Variants in CRB1 observed in about 807,000 individuals in gnomAD.
CRB1 encodes the protein crumbs cell polarity complex component 1, also known as protein crumbs homolog 1.
Under a neutral mutation model 120.0 loss-of-function variants are expected in CRB1, and 83 were observed. That is an observed-to-expected ratio of 0.69 (90% CI 0.58 to 0.83). The LOEUF is 0.83. Among genes scored for constraint, CRB1 ranks in the 40% least tolerant of loss-of-function variants. The pLI is 0.00. For synonymous variants in CRB1, 625 were observed against 612.5 expected (o/e 1.02, Z -0.30); for missense variants, 1,699 against 1,687.6 (o/e 1.01, Z -0.12).
intron 1 of CRB1, among the ~76,000 whole-genome samples, chr1:197,294,458 G>T (rs143912500): frequency 0.012 from 1,846 of 152,170 alleles, 40 homozygotes; most frequent in African/African-American, 0.042. Context: ...ACTGTTGGTG[G>T]GACTATAAAC....
In CRB1 at chr1:197,421,872, C is replaced by T; in HGVS notation, c.2044C>T (p.Gln682Ter). Reference sequence around the variant, plus strand: ...GGATTGGTGTGAAAGCCAACCTTGTCAAAGCAGAGGACGCTGCATCAACTT... The same window carrying T: ...GGATTGGTGTGAAAGCCAACCTTGTTAAAGCAGAGGACGCTGCATCAACTT... ...RKDWCESQPC[Q>*]SRGRCINLWL... is the part of the protein sequence containing the mutation. Residue 682 changes from glutamine to a stop codon, truncating the protein, a stop_gained, in exon 6 of 12, where the codon CAA becomes TAA. Transcript: ENST00000367400. LOFTEE classifies it high-confidence loss of function. The T allele has an allele frequency of 6.2e-7, 1 of 1,614,172 alleles. No individual in the cohort carries two copies. Among genetic ancestry groups the T allele is most frequent in the Non-Finnish European group, 8.5e-7 (1 of 1,180,034 alleles).
At chr1:197,337,145 G>A (rs982102848) in intron 2 of CRB1, among the ~76,000 whole-genome samples, 2 of 152,096 alleles carry the variant, frequency 1.3e-5, no homozygotes, top group African/African-American at 4.8e-5. Flanking sequence ...AATAGGCTAT[G>A]TGCCCTTATA....
At chr1:197,429,315 T>C in intron 7 of CRB1, 134 bp from the exon 8 acceptor site, 1 of 1,339,214 alleles carries the variant, frequency 7.5e-7, no homozygotes, top group Non-Finnish European at 1.1e-6. Context: ...TAGTTAACAA[T>C]GGATCTTAAA....
intron 4 of CRB1, among the ~76,000 whole-genome samples, chr1:197,353,476 G>C (rs1252077813): frequency 6.6e-6 from 1 of 152,160 alleles, no homozygotes; most frequent in Non-Finnish European, 1.5e-5. Context: ...AAATGATATT[G>C]CAAAGGGCCT....
At chr1:197,387,939 CTGAG>C (rs1558100508) in intron 5 of CRB1, among the ~76,000 whole-genome samples, 1 of 151,758 alleles carries the variant, frequency 6.6e-6, no homozygotes, top group Non-Finnish European at 1.5e-5. Context: ...CCTCACCAAA[CTGAG>C]TATTAGTATG....
At chr1:197,230,548 T>C in the CRB1 span, among the ~76,000 whole-genome samples, 2 of 152,142 alleles carry the variant, frequency 1.3e-5, no homozygotes, top group African/African-American at 4.8e-5. Context: ...ATAATCACTA[T>C]GTGGCAAATT....
chr1:197,462,726 G>A (rs939289698), intron 11 of CRB1, among the ~76,000 whole-genome samples: 2 of 152,142 alleles, frequency 1.3e-5, no homozygotes, highest in African/African-American at 4.8e-5. Flanking sequence ...AAATTGTGCT[G>A]ATGTAGTCAA....
intron 11 of CRB1, among the ~76,000 whole-genome samples, chr1:197,476,323 A>G (rs1215112712): frequency 6.6e-6 from 1 of 151,538 alleles, no homozygotes; most frequent in African/African-American, 2.4e-5. Flanking sequence ...TTAATTCATC[A>G]CATGGTCATA....
At chr1:197,222,322 C>A in the CRB1 span, 1 of 717,670 alleles carries the variant, frequency 1.4e-6, no homozygotes, top group African/African-American at 1.7e-5. Flanking sequence ...TGGCCTATAC[C>A]GGGAGAGTGA....
intron 1 of CRB1, among the ~76,000 whole-genome samples, chr1:197,284,309 C>G (rs1655700250): frequency 6.6e-6 from 1 of 151,960 alleles, no homozygotes; most frequent in African/African-American, 2.4e-5. Flanking sequence ...ATGTCCCAGT[C>G]ATTCTGCACC....
At chr1:197,266,252 G>C (rs1470767361), upstream of CRB1, among the ~76,000 whole-genome samples, 2 of 152,068 alleles carry the variant, frequency 1.3e-5, no homozygotes, top group African/African-American at 2.4e-5. Flanking sequence ...TAATTTTGGA[G>C]ACTGGGAAGA....
At chr1:197,363,874 G>C in intron 5 of CRB1, 1 of 977,250 alleles carries the variant, frequency 1.0e-6, no homozygotes, top group South Asian at 1.3e-5. Context: ...AGGGAACGTG[G>C]AAGGTGCATA....
In CRB1 at chr1:197,429,461, C is replaced by A; in HGVS notation, c.2689C>A (p.His897Asn). ...CTTTTCTGCTCAGTCCAACCCCTGT[C>A]ACAATGGAGGTGTTTGCCATTCCCG... Reference protein sequence around the residue: ...GDNSCKSNPCHNGGVCHSRWD... With the variant: ...GDNSCKSNPCNNGGVCHSRWD... Residue 897 changes from histidine (H) to asparagine (N), a missense_variant, in exon 8 of 12, where the codon CAC becomes AAC. Transcript: ENST00000367400. The A allele has an allele frequency of 6.2e-7, 1 of 1,613,984 alleles. No individual in the cohort carries two copies. The highest frequency in any genetic ancestry group is 2.2e-5 in the East Asian group (1 of 44,870).
intron 11 of CRB1, among the ~76,000 whole-genome samples, chr1:197,463,229 T>C (rs1476652024): frequency 6.6e-6 from 1 of 152,202 alleles, no homozygotes; most frequent in Non-Finnish European, 1.5e-5. Flanking sequence ...TCTAGGTCTA[T>C]GCAGACACTG....
chr1:197,365,420 G>A (rs1661006913), intron 5 of CRB1, among the ~76,000 whole-genome samples: 1 of 152,066 alleles, frequency 6.6e-6, no homozygotes, highest in Admixed American at 6.5e-5. Flanking sequence ...TGCTAAGGAA[G>A]GAAAACACTT....
chr1:197,220,981 C>A, the CRB1 span, among the ~76,000 whole-genome samples: 1 of 152,146 alleles, frequency 6.6e-6, no homozygotes, highest in East Asian at 1.9e-4. Context: ...TTCTGTATAG[C>A]AGTGTGAGAA....
At chr1:197,265,488 C>T (rs1439712841), upstream of CRB1, among the ~76,000 whole-genome samples, 2 of 151,796 alleles carry the variant, frequency 1.3e-5, no homozygotes, top group African/African-American at 4.8e-5. Context: ...GAATTGTCTA[C>T]CTCAATTGGT....
chr1:197,374,419 G>A (rs1661536293), intron 5 of CRB1, among the ~76,000 whole-genome samples: 1 of 152,094 alleles, frequency 6.6e-6, no homozygotes, highest in Non-Finnish European at 1.5e-5. Flanking sequence ...ATGAGTGTCA[G>A]GGCCCAGAGG....
At chr1:197,291,581 T>G (rs2125238239) in intron 1 of CRB1, among the ~76,000 whole-genome samples, 1 of 151,984 alleles carries the variant, frequency 6.6e-6, no homozygotes, top group Admixed American at 6.6e-5. Context: ...GTTCATGCTG[T>G]TATCTTTCTA....
Sources: gnomAD v4.1 joint callset for allele counts (sites outside exome capture counted in the v4.1 genomes callset) on GRCh38, gnomAD v4.1.1 for gene constraint, MANE v1.5 for transcripts, NCBI Gene and HGNC (gene_info 2026-07-23, HGNC 2026-07-21) for gene names.